Variants in SULF2 observed in about 807,000 individuals in gnomAD.
The protein encoded by SULF2 is sulfatase 2.
In SULF2, 52 loss-of-function variants were observed where a neutral mutation model predicts 107.7. The observed-to-expected ratio is 0.48, with a 90% CI of 0.39 to 0.61. The LOEUF is 0.61. SULF2 is among the 20% of genes least tolerant of loss of function. SULF2 has a pLI of 0.00. For missense variants in SULF2, 993 were observed against 1,177.3 expected, an observed-to-expected ratio of 0.84 and a Z score of 2.29; for synonymous variants, 460 against 464.3, an observed-to-expected ratio of 0.99 and a Z score of 0.12.
At chr20:47,746,978 T>TTAAAAA (rs1317317602) in intron 2 of SULF2, among the ~76,000 whole-genome samples, 8 of 51,214 alleles carry the variant, frequency 1.6e-4, no homozygotes, top group South Asian at 6.2e-4. Flanking sequence ...AGAACTTAAA[T>TTAAAAA]AAATAAAAAA....
intron 1 of SULF2, among the ~76,000 whole-genome samples, chr20:47,783,140 G>C (rs937137577): frequency 6.6e-6 from 1 of 152,224 alleles, no homozygotes; most frequent in Non-Finnish European, 1.5e-5. Flanking sequence ...TAAGGGCTTA[G>C]ATCAATGCCT....
chr20:47,783,763 T>TGTAC (rs575569135), intron 1 of SULF2, among the ~76,000 whole-genome samples: 104 of 152,296 alleles, frequency 6.8e-4, no homozygotes, highest in African/African-American at 2.5e-3. Flanking sequence ...GAGGCCTTCA[T>TGTAC]GTACAAAGGT....
At chr20:47,669,956 T>C (rs1316694380) in intron 11 of SULF2, among the ~76,000 whole-genome samples, 6 of 152,166 alleles carry the variant, frequency 3.9e-5, no homozygotes, top group African/African-American at 1.4e-4. Flanking sequence ...TCTGTTCAGC[T>C]AGAAAAGTTA....
At chr20:47,704,568 T>A (rs2088669450) in intron 3 of SULF2, among the ~76,000 whole-genome samples, 1 of 152,254 alleles carries the variant, frequency 6.6e-6, no homozygotes, top group Non-Finnish European at 1.5e-5. Context: ...CCACCGTGTC[T>A]GGCTTGCATG....
At chr20:47,690,634 A>G (rs1456530392) in intron 4 of SULF2, among the ~76,000 whole-genome samples, 1 of 152,186 alleles carries the variant, frequency 6.6e-6, no homozygotes, top group African/African-American at 2.4e-5. Flanking sequence ...GCACTTTGGG[A>G]GGCTGAGGTG....
At chr20:47,728,690 C>T (rs983437399) in intron 3 of SULF2, among the ~76,000 whole-genome samples, 12 of 152,156 alleles carry the variant, frequency 7.9e-5, no homozygotes, top group African/African-American at 2.9e-4. Flanking sequence ...GTCACCCAAG[C>T]GACAGAGTGT....
At chr20:47,667,924 C>T (rs998582983) in intron 11 of SULF2, among the ~76,000 whole-genome samples, 1 of 152,212 alleles carries the variant, frequency 6.6e-6, no homozygotes, top group Non-Finnish European at 1.5e-5. Flanking sequence ...TTCTCAGACA[C>T]CTTGCATCAG....
In SULF2 at chr20:47,694,568, C is replaced by T. The variant is rs906218481; in HGVS notation, c.568-4273G>A. On this transcript the variant is annotated intron_variant, in intron 4 of 20. Transcript: ENST00000688720. This position sits in a 1 kb window ranked among gnomAD's most constrained non-coding sequence, Gnocchi z 4.4. ...CAGGTGCTGCTGGCCTGCACAGCTC[C>T]ACAGGGCTGAGAAGCCACAGCTGGG... Among the ~76,000 whole-genome samples, 1 of 152,178 alleles carries T rather than the reference C, an allele frequency of 6.6e-6. No individual in the cohort carries two copies. The highest frequency in any genetic ancestry group is 1.9e-4 in the East Asian group (1 of 5,192).
Position 47,684,601 on chromosome 20 carries a change from A to G in SULF2, c.738-20T>C, listed in dbSNP as rs1297388566. 3.7e-6 allele frequency: 6 copies of G among 1,610,008 alleles called. 1 individual carries two copies. The highest frequency in any genetic ancestry group is 1.1e-5 in the South Asian group (1 of 90,684). On this transcript the variant is annotated intron_variant, in intron 5 of 20. Coordinates refer to ENST00000688720, the MANE Select transcript of SULF2 (RefSeq NM_001387048.1). ...GGCGTGCTGGTGGGCAAGGACATAC[A>G]CATCGGTCAAACCCAGGGACAGCCT...
chr20:47,727,041 C>T (rs36046644), intron 3 of SULF2, among the ~76,000 whole-genome samples: 10,700 of 133,640 alleles, frequency 0.08, 469 homozygotes, highest in Middle Eastern at 0.12. Context: ...AGTTTGACAT[C>T]GGCTCTGCAG....
chr20:47,773,861 C>A (rs2090676744), intron 1 of SULF2, among the ~76,000 whole-genome samples: 1 of 152,248 alleles, frequency 6.6e-6, no homozygotes, highest in African/African-American at 2.4e-5. Flanking sequence ...CTTACCCCCA[C>A]AGAACATGTA....
At chr20:47,675,621 G>C (rs556657725) in intron 10 of SULF2, among the ~76,000 whole-genome samples, 15 of 152,228 alleles carry the variant, frequency 9.9e-5, no homozygotes, top group African/African-American at 3.1e-4. Context: ...TCTCATAGGT[G>C]AAACAGGCAC....
At chr20:47,774,998 C>G (rs2090699193) in intron 1 of SULF2, among the ~76,000 whole-genome samples, 1 of 152,214 alleles carries the variant, frequency 6.6e-6, no homozygotes, top group Non-Finnish European at 1.5e-5. Flanking sequence ...CCTGTCCTTT[C>G]CTGAGCCCCC....
intron 2 of SULF2, among the ~76,000 whole-genome samples, chr20:47,740,681 A>G (rs1378650927): frequency 6.6e-6 from 1 of 152,126 alleles, no homozygotes; most frequent in Non-Finnish European, 1.5e-5. Flanking sequence ...CCGATTTTTA[A>G]AAAGTAAATA....
intron 2 of SULF2, among the ~76,000 whole-genome samples, chr20:47,747,507 G>C (rs2090071385): frequency 6.6e-6 from 1 of 152,078 alleles, no homozygotes; most frequent in Non-Finnish European, 1.5e-5. Context: ...TAATTGACGA[G>C]GCTCTGCAAT....
chr20:47,752,655 G>GT (rs1172632875), intron 2 of SULF2, among the ~76,000 whole-genome samples: 1 of 152,038 alleles, frequency 6.6e-6, no homozygotes, highest in Non-Finnish European at 1.5e-5. Flanking sequence ...GGGGGCTGGG[G>GT]TAAGAGGATT....
At chr20:47,685,200 C>G (rs1428719786) in intron 5 of SULF2, 2 of 152,194 alleles carry the variant, frequency 1.3e-5, no homozygotes, top group Admixed American at 6.5e-5. Flanking sequence ...GAGGAAGGCA[C>G]CTGAATGTGC....
In SULF2 at chr20:47,661,879, G is replaced by T. The variant is rs1446071567; in HGVS notation, c.2388C>A (p.Asn796Lys). The change falls in exon 18 of 21, where the codon AAC becomes AAA. Residue 796 changes from asparagine to lysine, a missense_variant. Asn to Lys is a moderately conservative substitution (Grantham distance 94, BLOSUM62 0). This residue lies in a region of SULF2 where 497 missense variants were observed against 544.1 expected (regional missense o/e 0.91). Transcript: ENST00000688720. Reference sequence around the variant, plus strand: ...GGTTGAGGACATCCCTGTCCAGTGTGTTCACTGCATTCATCAGCTGGTTGC... The same window carrying T: ...GGTTGAGGACATCCCTGTCCAGTGTTTTCACTGCATTCATCAGCTGGTTGC... ...TDPYQLMNAVNTLDRDVLNQL... is the reference protein window; with the variant it reads ...TDPYQLMNAVKTLDRDVLNQL... The T allele has an allele frequency of 1.3e-6, 2 of 1,576,484 alleles. No homozygotes were observed. Among genetic ancestry groups the T allele is most frequent in the Middle Eastern group, 1.7e-4 (1 of 5,912 alleles).
intron 20 of SULF2, among the ~76,000 whole-genome samples, chr20:47,658,729 C>CA (rs1314235618): frequency 6.6e-6 from 1 of 152,136 alleles, no homozygotes; most frequent in Admixed American, 6.5e-5. Context: ...GGTTTATATG[C>CA]ATATAAAGGA....
Sources: allele counts gnomAD v4.1 joint callset (sites outside exome capture counted in the v4.1 genomes callset), GRCh38; gene constraint gnomAD v4.1.1; regional missense constraint gnomAD v4.1.1; non-coding constraint Gnocchi (gnomAD v3.1); transcripts MANE v1.5; gene names NCBI Gene and HGNC (gene_info 2026-07-23, HGNC 2026-07-21).